BANK1: variants seen among roughly 807,000 people sequenced by gnomAD.
BANK1 encodes the protein B-cell scaffold protein with ankyrin repeats.
In BANK1, 95 loss-of-function variants were observed where a neutral mutation model predicts 94.5. The ratio of observed to expected loss-of-function variants is 1.00; its 90% CI spans 0.85 to 1.19. The LOEUF (loss-of-function observed/expected upper bound fraction) is 1.19. BANK1 is among the 50% of genes most tolerant of loss of function. The probability of loss-of-function intolerance (pLI) is 0.00; values close to 1 mark genes in which losing one functional copy is unlikely to be tolerated. For synonymous variants in BANK1, 334 were observed against 308.4 expected, an observed-to-expected ratio of 1.08 and a Z score of -0.87; for missense variants, 987 against 932.2, an observed-to-expected ratio of 1.06 and a Z score of -0.77.
intron 2 of BANK1, among the ~76,000 whole-genome samples, chr4:101,845,379 A>C (rs991874177): frequency 2.6e-5 from 4 of 152,214 alleles, no homozygotes; most frequent in Non-Finnish European, 2.9e-5. Flanking sequence ...ATTCCTAAAT[A>C]TATCAGATTA....
chr4:101,963,715 C>T (rs1724648561), intron 7 of BANK1, among the ~76,000 whole-genome samples: 1 of 152,116 alleles, frequency 6.6e-6, no homozygotes, highest in Non-Finnish European at 1.5e-5. Context: ...ATAAGCACAA[C>T]AGAAACAATT....
At chr4:101,932,158 GA>G (rs2148905781) in intron 7 of BANK1, among the ~76,000 whole-genome samples, 1 of 151,554 alleles carries the variant, frequency 6.6e-6, no homozygotes, top group East Asian at 2.0e-4. Context: ...CCCTCCCTGT[GA>G]AGAACTGGCC....
At chr4:101,922,379 G>A (rs1286457654) in intron 7 of BANK1, among the ~76,000 whole-genome samples, 1 of 151,614 alleles carries the variant, frequency 6.6e-6, no homozygotes, top group Non-Finnish European at 1.5e-5. Context: ...AGTTTAAATG[G>A]CAGCATATCC....
At chr4:101,809,638 T>G (rs1371236690) in intron 1 of BANK1, among the ~76,000 whole-genome samples, 1 of 152,224 alleles carries the variant, frequency 6.6e-6, no homozygotes. Context: ...CTCCCACTAA[T>G]TGACTCCTAG....
chr4:101,847,295 T>C (rs1334142050), intron 2 of BANK1, among the ~76,000 whole-genome samples: 2 of 152,046 alleles, frequency 1.3e-5, no homozygotes, highest in African/African-American at 4.8e-5. Context: ...ACATAGTCAA[T>C]GTTCAGTAGT....
intron 6 of BANK1, among the ~76,000 whole-genome samples, chr4:101,903,829 G>T (rs1722358888): frequency 6.6e-6 from 1 of 152,146 alleles, no homozygotes; most frequent in African/African-American, 2.4e-5. Flanking sequence ...CATTTACTAA[G>T]GTCCCCAAGT....
At chr4:101,833,028 G>A (rs1444172918) in intron 2 of BANK1, among the ~76,000 whole-genome samples, 1 of 151,692 alleles carries the variant, frequency 6.6e-6, no homozygotes, top group African/African-American at 2.4e-5. Context: ...TGCCCAGGCT[G>A]GAGTGCAATG....
At chr4:101,856,181 G>A (rs1727673894) in intron 3 of BANK1, among the ~76,000 whole-genome samples, 1 of 152,120 alleles carries the variant, frequency 6.6e-6, no homozygotes, top group Non-Finnish European at 1.5e-5. Context: ...GAAGGGTATA[G>A]TTTAGTTTCC....
chr4:101,933,329 G>T (rs1370299650), intron 7 of BANK1, among the ~76,000 whole-genome samples: 1 of 132,232 alleles, frequency 7.6e-6, no homozygotes, highest in Non-Finnish European at 1.7e-5. Flanking sequence ...AAAAAAAAAA[G>T]CTAAGCATGA....
chr4:101,971,526 T>TA (rs1724952134), intron 7 of BANK1, among the ~76,000 whole-genome samples: 2 of 152,148 alleles, frequency 1.3e-5, no homozygotes, highest in African/African-American at 4.8e-5. Context: ...GTTTGTCTAT[T>TA]TATGCTTATG....
chr4:101,907,919 G>A (rs900418963), intron 6 of BANK1, among the ~76,000 whole-genome samples: 1 of 152,114 alleles, frequency 6.6e-6, no homozygotes, highest in African/African-American at 2.4e-5. Context: ...CACAAACAAA[G>A]GGAAGAACAT....
intron 1 of BANK1, among the ~76,000 whole-genome samples, chr4:101,823,936 G>A (rs1025216520): frequency 1.3e-5 from 2 of 152,202 alleles, no homozygotes. Flanking sequence ...ATGGACTTGA[G>A]TACAGGTATT....
chr4:101,847,191 T>A, intron 2 of BANK1, among the ~76,000 whole-genome samples: 1 of 121,598 alleles, frequency 8.2e-6, no homozygotes, highest in African/African-American at 3.4e-5. Context: ...GCCTCTTGGG[T>A]TGGCAGAGTG....
intron 4 of BANK1, among the ~76,000 whole-genome samples, chr4:101,865,041 G>A (rs1241673547): frequency 6.6e-6 from 1 of 152,108 alleles, no homozygotes; most frequent in Non-Finnish European, 1.5e-5. Context: ...GACTTGATCA[G>A]GGGCAGGAAG....
intron 7 of BANK1, among the ~76,000 whole-genome samples, chr4:101,975,864 C>A (rs183210489): frequency 1.0e-3 from 159 of 152,174 alleles, no homozygotes; most frequent in African/African-American, 3.5e-3. Context: ...GAGAATGGAA[C>A]CAGTGACTGA....
intron 6 of BANK1, among the ~76,000 whole-genome samples, chr4:101,908,468 A>G (rs372453489): frequency 6.6e-6 from 1 of 152,152 alleles, no homozygotes; most frequent in Non-Finnish European, 1.5e-5. Flanking sequence ...AGAAAACCTA[A>G]GCAATACCAT....
At chr4:101,912,126 A>G (rs1425526132) in intron 6 of BANK1, among the ~76,000 whole-genome samples, 1 of 152,130 alleles carries the variant, frequency 6.6e-6, no homozygotes, top group African/African-American at 2.4e-5. Flanking sequence ...ATGACTTAGG[A>G]AACTTCCTCT....
At chr4:101,973,547 A>T (rs1725025442) in intron 7 of BANK1, among the ~76,000 whole-genome samples, 1 of 152,074 alleles carries the variant, frequency 6.6e-6, no homozygotes, top group Admixed American at 6.6e-5. Flanking sequence ...TTTTATAGGA[A>T]TAGAAGATCA....
chr4:101,875,471 G>A (rs1728454459), intron 5 of BANK1, among the ~76,000 whole-genome samples: 1 of 152,134 alleles, frequency 6.6e-6, no homozygotes, highest in Non-Finnish European at 1.5e-5. Context: ...GGGAAGCAAG[G>A]TACATTTTAC....
Sources: gnomAD v4.1 joint callset for allele counts (sites outside exome capture counted in the v4.1 genomes callset) on GRCh38, gnomAD v4.1.1 for gene constraint, MANE v1.5 for transcripts, NCBI Gene and HGNC (gene_info 2026-07-23, HGNC 2026-07-21) for gene names.